LRP8: variants seen among roughly 807,000 people sequenced by gnomAD.
LRP8 encodes the protein LDL receptor related protein 8.
In LRP8, 46 loss-of-function variants were observed where a neutral mutation model predicts 111.6. That is an observed-to-expected ratio of 0.41 (90% CI 0.33 to 0.53). LRP8 has a LOEUF of 0.53. Among genes scored for constraint, LRP8 ranks in the 20% least tolerant of loss-of-function variants. The pLI is 0.20. For missense variants in LRP8, 959 were observed against 1,297.4 expected (o/e 0.74, Z 4.01); for synonymous variants, 464 against 511.2 (o/e 0.91, Z 1.24).
At position 53,246,941 on chromosome 1, in the gene LRP8, T is replaced by TTCA; in HGVS notation, c.*74_*76dup. 7.5e-7 allele frequency: 1 copy of TTCA among 1,329,418 alleles called. No individual in the cohort carries two copies. Among genetic ancestry groups the TTCA allele is most frequent in the Non-Finnish European group, 1.1e-6 (1 of 939,336 alleles). The allele number at this position is 1,329,418 out of a possible 1,614,324, so 82.4% of individuals were successfully genotyped here. On this transcript the variant is annotated 3_prime_UTR_variant, in exon 19 of 19. Transcript: ENST00000306052. ...ACACAGACCCATATATAGAAACCCA[T>TTCA]TCATCCAGTCATACACCATCCAGAG... is the stretch of plus-strand genomic sequence containing the variant.
Position 53,250,139 on chromosome 1 carries a change from TA to T in LRP8, c.2676+550del, listed in dbSNP as rs1645848469. ...TTATACCACTGTATGTTAGTATCTC[TA>T]ACTCCCTACCAGCTTCTTGGGAGCA... On this transcript the variant is annotated intron_variant, in intron 17 of 18. Transcript: ENST00000306052. The surrounding 1 kb of genome is among the most constrained non-coding windows in gnomAD (Gnocchi z 4.6). 6.6e-6 allele frequency among the ~76,000 whole-genome samples: 1 copy of T among 152,238 alleles called. No homozygotes were observed. Among genetic ancestry groups the T allele is most frequent in the African/African-American group, 2.4e-5 (1 of 41,474 alleles).
chr1:53,312,526 T>G (rs1233879964), intron 2 of LRP8, among the ~76,000 whole-genome samples: 1 of 112,978 alleles, frequency 8.9e-6, no homozygotes, highest in East Asian at 3.0e-4. Flanking sequence ...ACCTGGCTAA[T>G]TTTTTTTTTT....
Position 53,262,537 on chromosome 1 carries a change from GTCC to G in LRP8, c.1680_1682del (p.Asp561del). ...GCCCAGATTTCTCAATCTTGGCCTG[GTCC>G]CCCCAGTCAGACCAATACATGAACC... On this transcript the variant is annotated inframe_deletion, in exon 11 of 19. Transcript: ENST00000306052. This position sits in a 1 kb window ranked among gnomAD's most constrained non-coding sequence, Gnocchi z 4.8. 6.2e-7 allele frequency: 1 copy of G among 1,614,138 alleles called. No homozygotes were observed. Among genetic ancestry groups the G allele is most frequent in the Non-Finnish European group, 8.5e-7 (1 of 1,180,038 alleles).
rs1361043160 is a variant in LRP8 at position 53,294,839 on chromosome 1, TC to T, written c.245-5151del. On this transcript the variant is annotated intron_variant, in intron 2 of 18. Transcript: ENST00000306052. The surrounding 1 kb of genome is among the most constrained non-coding windows in gnomAD (Gnocchi z 4.1). The stretch of plus-strand genomic sequence containing the variant: ...ACATCCTTCCCTGAGACAGTATACA[TC>T]CTTCCCATGCTGCTCCCCACCCACA... Among the ~76,000 whole-genome samples, 1 of 152,172 alleles carries T rather than the reference TC, an allele frequency of 6.6e-6. No homozygotes were observed. Among genetic ancestry groups the T allele is most frequent in the Non-Finnish European group, 1.5e-5 (1 of 68,030 alleles).
At position 53,257,307 on chromosome 1, in the gene LRP8, A is replaced by G; in HGVS notation, c.2367T>C (p.Ser789=). The change falls in exon 15 of 19, where the codon AGT becomes AGC. Residue 789 remains serine, a synonymous_variant. Transcript: ENST00000306052. ...GGCTGATGCTGGGAGCCCTGGGGACACTAACTGAGCTTGGGACTGCAGCTG... is the reference window on the plus strand; with the variant it reads ...GGCTGATGCTGGGAGCCCTGGGGACGCTAACTGAGCTTGGGACTGCAGCTG... ...SLTAAVPSSV[S]VPRAPSISPS... is the part of the protein sequence containing the mutation. 2 of 1,614,148 alleles carry G rather than the reference A, an allele frequency of 1.2e-6. No homozygotes were observed. Among genetic ancestry groups the G allele is most frequent in the Non-Finnish European group, 1.7e-6 (2 of 1,180,032 alleles).
At chr1:53,297,457 C>T (rs928602282) in intron 2 of LRP8, among the ~76,000 whole-genome samples, 7 of 152,156 alleles carry the variant, frequency 4.6e-5, no homozygotes, top group African/African-American at 2.4e-5. Context: ...GTGTGGTGGG[C>T]GGGACTCGGT....
intron 2 of LRP8, among the ~76,000 whole-genome samples, chr1:53,300,530 C>G (rs922439873): frequency 1.3e-5 from 2 of 152,240 alleles, no homozygotes; most frequent in African/African-American, 4.8e-5. Context: ...AAGCCCCTTC[C>G]AGGCTGTGCC....
intron 2 of LRP8, among the ~76,000 whole-genome samples, chr1:53,322,685 G>A (rs950888403): frequency 6.6e-6 from 1 of 152,140 alleles, no homozygotes; most frequent in African/African-American, 2.4e-5. Flanking sequence ...AAGACGGGGA[G>A]GTTCAGAAAG....
chr1:53,318,954 CTTT>C (rs2100542830), intron 2 of LRP8, among the ~76,000 whole-genome samples: 1 of 152,244 alleles, frequency 6.6e-6, no homozygotes, highest in East Asian at 1.9e-4. Flanking sequence ...GTTTCCTGTT[CTTT>C]ATTAACTATG....
intron 6 of LRP8, chr1:53,272,456 C>G (rs898259905): frequency 1.2e-5 from 8 of 648,432 alleles, no homozygotes; most frequent in African/African-American, 3.8e-5. Flanking sequence ...GGCTCATGCA[C>G]TGCCACTCCA....
At chr1:53,280,066 G>A (rs1247743730) in intron 4 of LRP8, among the ~76,000 whole-genome samples, 1 of 152,174 alleles carries the variant, frequency 6.6e-6, no homozygotes, top group Non-Finnish European at 1.5e-5. Context: ...GCCCTGTGAC[G>A]TCTGTGCTTG....
At chr1:53,282,006 A>T (rs1383926776) in intron 3 of LRP8, among the ~76,000 whole-genome samples, 2 of 152,194 alleles carry the variant, frequency 1.3e-5, no homozygotes, top group African/African-American at 4.8e-5. Flanking sequence ...GATGCCGGAG[A>T]CTCAGCACAA....
At chr1:53,301,130 G>A (rs1242546159) in intron 2 of LRP8, among the ~76,000 whole-genome samples, 1 of 152,182 alleles carries the variant, frequency 6.6e-6, no homozygotes, top group Non-Finnish European at 1.5e-5. Flanking sequence ...GTGGCTCAGG[G>A]CAGGTGCTCA....
chr1:53,301,655 C>T (rs554550636), intron 2 of LRP8, among the ~76,000 whole-genome samples: 5 of 151,672 alleles, frequency 3.3e-5, no homozygotes, highest in Admixed American at 1.3e-4. Context: ...GGCTTGAGCC[C>T]GGGAGGTTGA....
rs931010726 is a variant in LRP8 at position 53,245,258 on chromosome 1, G to T, written c.*1760C>A. ...TTTGCTTAAGTGTGTCAAGTTCCAG[G>T]TATGATGAGATTAGATGCAGCTCCT... On this transcript the variant is annotated 3_prime_UTR_variant, in exon 19 of 19. Coordinates refer to ENST00000306052, the MANE Select transcript of LRP8 (RefSeq NM_004631.5). 2.6e-5 allele frequency: 4 copies of T among 152,208 alleles called. No homozygotes were observed. Among genetic ancestry groups the T allele is most frequent in the African/African-American group, 9.6e-5 (4 of 41,452 alleles). The allele number at this position is 152,208 out of a possible 1,614,324, so 9.4% of individuals were successfully genotyped here.
chr1:53,242,840 T>TAC lies in LRP8; in HGVS notation c.*4177_*4178insGT, dbSNP rs1332295685. On this transcript the variant is annotated 3_prime_UTR_variant, in exon 19 of 19. Transcript: ENST00000306052. Reference sequence around the variant, plus strand: ...AGTATCAAAACCTTGGCTTTAAATATATATATATATATATATATACACACA... The same window carrying TAC: ...AGTATCAAAACCTTGGCTTTAAATATACATATATATATATATATATACACACA... 2 of 124,938 alleles carry TAC rather than the reference T, an allele frequency of 1.6e-5. No homozygotes were observed. Among genetic ancestry groups the TAC allele is most frequent in the Non-Finnish European group, 3.7e-5 (2 of 54,352 alleles). 7.7% of individuals were successfully genotyped at this position (124,938 alleles called of 1,614,324 possible). A position where few individuals can be genotyped will look rare whatever the true frequency, so the allele number is the denominator to read the frequency against.
chr1:53,281,194 C>T (rs529491670), intron 3 of LRP8, among the ~76,000 whole-genome samples: 5 of 152,196 alleles, frequency 3.3e-5, no homozygotes, highest in Admixed American at 6.5e-5. Context: ...AAGGCCCCAA[C>T]GGCTCCAATC....
Position 53,266,660 on chromosome 1 carries a change from G to A in LRP8, c.1253-13C>T. On this transcript the variant is annotated splice_polypyrimidine_tract_variant and intron_variant, in intron 8 of 18. Coordinates refer to ENST00000306052, the MANE Select transcript of LRP8 (RefSeq NM_004631.5). The surrounding 1 kb of genome is among the most constrained non-coding windows in gnomAD (Gnocchi z 5.0). ...GGGCTCTTGCCAGCTGTCATGCAGG[G>A]AGGTTGAAAGAGAAAGAGTCAGTGC... The A allele has an allele frequency of 1.2e-6, 2 of 1,613,160 alleles. No individual in the cohort carries two copies. Among genetic ancestry groups the A allele is most frequent in the Admixed American group, 1.7e-5 (1 of 60,008 alleles).
chr1:53,327,916 G>T lies in LRP8; in HGVS notation c.-4C>A. 2.4e-6 allele frequency: 3 copies of T among 1,248,092 alleles called. No homozygotes were observed. The highest frequency in any genetic ancestry group is 3.0e-6 in the Non-Finnish European group (3 of 998,454). The allele number at this position is 1,248,092 out of a possible 1,614,324, so 77.3% of individuals were successfully genotyped here. ...GGCCCGGCTCGGGGAGGCCCATGGC[G>T]GGCCCGGGGCTCCGGCCGCCGCGCC... On this transcript the variant is annotated 5_prime_UTR_variant, in exon 1 of 19. Transcript: ENST00000306052.
Sources: gnomAD v4.1 joint callset for allele counts (sites outside exome capture counted in the v4.1 genomes callset) on GRCh38, gnomAD v4.1.1 for gene constraint, Gnocchi (gnomAD v3.1) non-coding constraint, MANE v1.5 for transcripts, NCBI Gene and HGNC (gene_info 2026-07-23, HGNC 2026-07-21) for gene names.